Variants in PIAS2 observed in about 807,000 individuals in gnomAD.
PIAS2 encodes the protein E3 SUMO-protein ligase PIAS2.
Under a neutral mutation model 69.7 loss-of-function variants are expected in PIAS2, and 19 were observed. That is an observed-to-expected ratio of 0.27 (90% CI 0.19 to 0.40). The LOEUF is 0.40. Ranked by LOEUF, PIAS2 falls within the 10% of genes least tolerant of loss-of-function variation. PIAS2 has a pLI of 1.00. For missense variants in PIAS2, 624 were observed against 757.0 expected, an observed-to-expected ratio of 0.82 and a Z score of 2.06; for synonymous variants, 261 against 263.2, an observed-to-expected ratio of 0.99 and a Z score of 0.08.
intron 1 of PIAS2, among the ~76,000 whole-genome samples, chr18:46,911,975 C>T (rs981598854): frequency 4.6e-5 from 7 of 152,098 alleles, no homozygotes; most frequent in Non-Finnish European, 1.0e-4. Flanking sequence ...CGCTTGAACC[C>T]AGGAGGCGGA....
chr18:46,882,567 T>C (rs1200227763), intron 2 of PIAS2, among the ~76,000 whole-genome samples: 7 of 152,178 alleles, frequency 4.6e-5, no homozygotes, highest in Admixed American at 3.9e-4. Context: ...TTCAGAAATA[T>C]ATGCAAAAGT....
chr18:46,905,342 T>C (rs1599043747), intron 1 of PIAS2, among the ~76,000 whole-genome samples: 1 of 152,014 alleles, frequency 6.6e-6, no homozygotes, highest in East Asian at 1.9e-4. Context: ...ATCACACACA[T>C]CAAAACAAGG....
At chr18:46,867,948 C>T (rs933959408) in intron 2 of PIAS2, among the ~76,000 whole-genome samples, 1 of 152,194 alleles carries the variant, frequency 6.6e-6, no homozygotes, top group Non-Finnish European at 1.5e-5. Flanking sequence ...TATAAAGAAG[C>T]CCAAATTAGA....
At chr18:46,850,703 C>T (rs2046834742) in intron 5 of PIAS2, among the ~76,000 whole-genome samples, 1 of 152,144 alleles carries the variant, frequency 6.6e-6, no homozygotes, top group Non-Finnish European at 1.5e-5. Context: ...CCTGATTCCT[C>T]TACCATGAAG....
At chr18:46,838,535 G>C (rs1273352616) in intron 8 of PIAS2, among the ~76,000 whole-genome samples, 1 of 152,196 alleles carries the variant, frequency 6.6e-6, no homozygotes, top group Non-Finnish European at 1.5e-5. Flanking sequence ...ATCAAGGTAT[G>C]TGGCACGATA....
chr18:46,860,404 G>GC (rs1339938010), intron 3 of PIAS2, among the ~76,000 whole-genome samples: 2 of 152,180 alleles, frequency 1.3e-5, no homozygotes, highest in African/African-American at 4.8e-5. Context: ...ACAAAATAAA[G>GC]CCTAATGAGA....
rs947643159 is a variant in PIAS2, at chr18:46,890,508, T to C, written c.499+72A>G. 19 of 900,606 alleles carry C rather than the reference T, an allele frequency of 2.1e-5. No individual in the cohort carries two copies. The African/African-American group carries it at 2.7e-4, about 13-fold the overall frequency. The allele number at this position is 900,606 out of a possible 1,614,324, so 55.8% of individuals were successfully genotyped here. A position where few individuals can be genotyped will look rare whatever the true frequency, so the allele number is the denominator to read the frequency against. On this transcript the variant is annotated intron_variant, in intron 2 of 13. Coordinates refer to ENST00000585916, the MANE Select transcript of PIAS2 (RefSeq NM_004671.5). ...TTTCACTATATTAACAGCACATCATTAATCAATAGTTGAAGGTCTCTCATT... is the reference window on the plus strand; with the variant it reads ...TTTCACTATATTAACAGCACATCATCAATCAATAGTTGAAGGTCTCTCATT...
At chr18:46,895,004 C>T (rs1052129072) in intron 1 of PIAS2, among the ~76,000 whole-genome samples, 4 of 149,498 alleles carry the variant, frequency 2.7e-5, no homozygotes, top group African/African-American at 7.4e-5. Flanking sequence ...AACCGGGAGG[C>T]GGAGGATGCA....
At position 46,844,509 on chromosome 18, in the gene PIAS2, C is replaced by T. The variant is rs112551799; in HGVS notation, c.967+225G>A. Among the ~76,000 whole-genome samples the T allele has an allele frequency of 3.4e-4, 51 of 151,964 alleles. 1 individual carries two copies. The highest frequency in any genetic ancestry group is 1.2e-3 in the African/African-American group (51 of 41,482). ...TTCCAACAATTATTAAATTTGTAAA[C>T]AGAAAAGATAAAAATATTTATACTT... is the stretch of plus-strand genomic sequence containing the variant. On this transcript the variant is annotated intron_variant, in intron 7 of 13. Coordinates refer to ENST00000585916, the MANE Select transcript of PIAS2 (RefSeq NM_004671.5).
intron 9 of PIAS2, among the ~76,000 whole-genome samples, chr18:46,834,927 T>C (rs1339447427): frequency 6.6e-6 from 1 of 152,172 alleles, no homozygotes; most frequent in Non-Finnish European, 1.5e-5. Context: ...TAATAATAAA[T>C]AGTAAAAGTC....
Position 46,817,347 on chromosome 18 carries a change from T to C in PIAS2, c.1649-1998A>G. On this transcript the variant is annotated intron_variant, in intron 12 of 13. Transcript: ENST00000585916. ...AACTATTTCAATTTCAGAATTTCAA[T>C]TAAAATACGCAAGCTTGATATAAAA... The C allele has an allele frequency of 1.0e-6, 1 of 976,048 alleles. No individual in the cohort carries two copies. Among genetic ancestry groups the C allele is most frequent in the East Asian group, 1.1e-4 (1 of 8,778 alleles). The allele number at this position is 976,048 out of a possible 1,614,324, so 60.5% of individuals were successfully genotyped here. A position where few individuals can be genotyped will look rare whatever the true frequency, so the allele number is the denominator to read the frequency against.
chr18:46,818,429 T>G, intron 12 of PIAS2: 1 of 1,578,798 alleles, frequency 6.3e-7, no homozygotes. Context: ...ATTATTAATA[T>G]CATTTCTTCT....
intron 1 of PIAS2, among the ~76,000 whole-genome samples, chr18:46,899,079 CAATT>C (rs1313363027): frequency 6.6e-6 from 1 of 150,516 alleles, no homozygotes; most frequent in Non-Finnish European, 1.5e-5. Flanking sequence ...GAAAAGGTAT[CAATT>C]GTTTCCAAGT....
At chr18:46,838,693 A>C in intron 8 of PIAS2, among the ~76,000 whole-genome samples, 1 of 152,194 alleles carries the variant, frequency 6.6e-6, no homozygotes, top group South Asian at 2.1e-4. Flanking sequence ...TTTTATATAA[A>C]TCTCATAAAA....
At chr18:46,855,748 A>T (rs932857745) in intron 3 of PIAS2, 133 bp from the exon 4 acceptor site, 1 of 686,950 alleles carries the variant, frequency 1.5e-6, no homozygotes, top group Non-Finnish European at 2.6e-6. Flanking sequence ...ATATACTACC[A>T]ATAATATAAG....
Position 46,903,893 on chromosome 18 carries a change from G to A in PIAS2, c.25-12839C>T, listed in dbSNP as rs1220158503. Among the ~76,000 whole-genome samples, 3 of 152,266 alleles carry A rather than the reference G, an allele frequency of 2.0e-5. No homozygotes were observed. The East Asian group carries it at 5.8e-4, about 29-fold the overall frequency. On this transcript the variant is annotated intron_variant, in intron 1 of 13. Transcript: ENST00000585916. Reference sequence around the variant, plus strand: ...GGAAAACTATTCAGCAATAAAAAGGGATGAGCTGTTTATATACAACAACTT... The same window carrying A: ...GGAAAACTATTCAGCAATAAAAAGGAATGAGCTGTTTATATACAACAACTT...
rs553148192 is a variant in PIAS2, at chr18:46,905,413, A to G, written c.24+11909T>C. 8.5e-5 allele frequency among the ~76,000 whole-genome samples: 13 copies of G among 152,274 alleles called. No individual in the cohort carries two copies. In the South Asian group the frequency reaches 2.7e-3, roughly 32 times the overall value. On this transcript the variant is annotated intron_variant, in intron 1 of 13. Transcript: ENST00000585916. ...TATGTTAAAATGCTGAAAATTAATGACAGGCACCCAGCTTAAGAAATTAGA... is the reference window on the plus strand; with the variant it reads ...TATGTTAAAATGCTGAAAATTAATGGCAGGCACCCAGCTTAAGAAATTAGA...
intron 1 of PIAS2, among the ~76,000 whole-genome samples, chr18:46,902,920 C>G (rs2056103620): frequency 6.6e-6 from 1 of 152,072 alleles, no homozygotes; most frequent in Non-Finnish European, 1.5e-5. Context: ...TACATACATA[C>G]CCAAATAATT....
At position 46,916,949 on chromosome 18, in the gene PIAS2, G is replaced by T. The variant is rs936893573; in HGVS notation, c.24+373C>A. 7.1e-6 allele frequency: 7 copies of T among 985,450 alleles called. No homozygotes were observed. In the Admixed American group the frequency reaches 1.8e-4, roughly 26 times the overall value. 61.0% of individuals were successfully genotyped at this position (985,450 alleles called of 1,614,324 possible). On this transcript the variant is annotated intron_variant, in intron 1 of 13. Coordinates refer to ENST00000585916, the MANE Select transcript of PIAS2 (RefSeq NM_004671.5). ...CAGACTTGTGAATAGCCACAGACACGTACACCCCGGTGAAGGTGCAAGATC... is the reference window on the plus strand; with the variant it reads ...CAGACTTGTGAATAGCCACAGACACTTACACCCCGGTGAAGGTGCAAGATC...
Sources: allele counts gnomAD v4.1 joint callset (sites outside exome capture counted in the v4.1 genomes callset), GRCh38; gene constraint gnomAD v4.1.1; transcripts MANE v1.5; gene names NCBI Gene and HGNC (gene_info 2026-07-23, HGNC 2026-07-21).